Variants in FECH observed in about 807,000 individuals in gnomAD.
FECH encodes ferrochelatase.
In FECH, 40 loss-of-function variants were observed where a neutral mutation model predicts 56.9. The observed-to-expected ratio is 0.70, with a 90% CI of 0.55 to 0.92. FECH has a LOEUF of 0.92. Ranked by LOEUF, FECH falls within the 40% of genes least tolerant of loss-of-function variation. The pLI, the probability that FECH is intolerant of heterozygous loss-of-function variation, is 0.00. For synonymous variants in FECH, 175 were observed against 198.6 expected (o/e 0.88, Z 1.00); for missense variants, 431 against 529.1 (o/e 0.81, Z 1.82).
chr18:57,586,555 C>A lies in FECH; in HGVS notation c.66G>T (p.Pro22=), dbSNP rs1253145529. The A allele has an allele frequency of 6.6e-7, 1 of 1,521,834 alleles. No homozygotes were observed. The highest frequency in any genetic ancestry group is 8.8e-7 in the Non-Finnish European group (1 of 1,141,272). The allele number at this position is 1,521,834 out of a possible 1,614,324, so 94.3% of individuals were successfully genotyped here. ...LRAAGVLLRD[P]LASSSWRVCQ... Reference sequence around the variant, plus strand: ...GGCCGCCGCGACAGACCCACTTACGCGGATCGCGGAGCAGGACGCCCGCGG... The same window carrying A: ...GGCCGCCGCGACAGACCCACTTACGAGGATCGCGGAGCAGGACGCCCGCGG... Residue 22 remains proline, a splice_region_variant and synonymous_variant, in exon 1 of 11, where the codon CCG becomes CCT. Coordinates refer to ENST00000262093, the MANE Select transcript of FECH (RefSeq NM_000140.5).
chr18:57,558,132 A>C (rs1189261446), intron 7 of FECH, among the ~76,000 whole-genome samples: 1 of 152,200 alleles, frequency 6.6e-6, no homozygotes, highest in South Asian at 2.1e-4. Context: ...CATTCCCGAC[A>C]TTGTTAAAAC....
rs532556481 is a variant in FECH at position 57,581,022 on chromosome 18, C to T, written c.68-823G>A. ...GGGCATGAAGACCAGAGAGTCCATC[C>T]AGGCTGTCTGTGAGGCTCCCCACAA... On this transcript the variant is annotated intron_variant, in intron 1 of 10. Transcript: ENST00000262093. Among the ~76,000 whole-genome samples, 90 of 152,270 alleles carry T rather than the reference C, an allele frequency of 5.9e-4. 1 individual carries two copies. The highest frequency in any genetic ancestry group is 1.1e-3 in the Non-Finnish European group (76 of 68,022).
chr18:57,566,704 G>A lies in FECH; in HGVS notation c.464-123C>T, dbSNP rs112950663. On this transcript the variant is annotated intron_variant, in intron 4 of 10. Transcript: ENST00000262093. ...TCATGTAATTTCCTATGGCACTGAC[G>A]GTGAAGGCAAGTTTAGCATATTCCT... 3,431 of 1,197,914 alleles carry A rather than the reference G, an allele frequency of 2.9e-3. 89 individuals carry two copies. In the African/African-American group the frequency reaches 0.046, roughly 16 times the overall value. The allele number at this position is 1,197,914 out of a possible 1,614,324, so 74.2% of individuals were successfully genotyped here. A position where few individuals can be genotyped will look rare whatever the true frequency, so the allele number is the denominator to read the frequency against.
chr18:57,567,058 C>T (rs684696), intron 4 of FECH, among the ~76,000 whole-genome samples: 1,612 of 152,110 alleles, frequency 0.011, 16 homozygotes, highest in Non-Finnish European at 0.015. Flanking sequence ...TGCAGGTGGT[C>T]GAGCTGGAAT....
chr18:57,564,295 C>T (rs1036805433), intron 5 of FECH, among the ~76,000 whole-genome samples: 8 of 152,156 alleles, frequency 5.3e-5, no homozygotes, highest in Admixed American at 5.2e-4. Flanking sequence ...ATCTAATAAA[C>T]TTATATTTCT....
Position 57,545,184 on chromosome 18 carries a change from C to G in FECH, c.*5528G>C, listed in dbSNP as rs1220313376. Among the ~76,000 whole-genome samples the G allele has an allele frequency of 4.6e-5, 7 of 152,138 alleles. No homozygotes were observed. The highest frequency in any genetic ancestry group is 1.4e-4 in the African/African-American group (6 of 41,428). On this transcript the variant is annotated 3_prime_UTR_variant, in exon 11 of 11. Coordinates refer to ENST00000262093, the MANE Select transcript of FECH (RefSeq NM_000140.5). ...ACAAAACTGTCAGAGTGAAGGCTCACAAGAAATCAGAAACAGGACCCAGAT... is the reference window on the plus strand; with the variant it reads ...ACAAAACTGTCAGAGTGAAGGCTCAGAAGAAATCAGAAACAGGACCCAGAT...
intron 2 of FECH, among the ~76,000 whole-genome samples, chr18:57,579,039 G>A (rs1303483155): frequency 1.3e-5 from 2 of 151,908 alleles, no homozygotes; most frequent in Non-Finnish European, 2.9e-5. Flanking sequence ...CTTGAAGTCA[G>A]GAGTTTGAGA....
chr18:57,556,235 A>G (rs185892172), intron 7 of FECH, among the ~76,000 whole-genome samples: 201 of 152,348 alleles, frequency 1.3e-3, no homozygotes, highest in African/African-American at 4.6e-3. Context: ...TGAAGGAAAC[A>G]CAAAGTTGCC....
intron 4 of FECH, among the ~76,000 whole-genome samples, chr18:57,567,149 G>A (rs868231202): frequency 4.0e-5 from 6 of 151,674 alleles, no homozygotes; most frequent in East Asian, 1.9e-4. Context: ...CCAGTTCCCC[G>A]AACCCCCAGG....
intron 7 of FECH, among the ~76,000 whole-genome samples, chr18:57,556,091 T>C (rs1318624628): frequency 6.6e-6 from 1 of 152,172 alleles, no homozygotes; most frequent in Non-Finnish European, 1.5e-5. Flanking sequence ...ATTGCACCAG[T>C]GCACTCCAGC....
At chr18:57,576,258 C>A (rs1167756511) in intron 2 of FECH, among the ~76,000 whole-genome samples, 1 of 152,186 alleles carries the variant, frequency 6.6e-6, no homozygotes, top group Non-Finnish European at 1.5e-5. Context: ...AGGGCTTAAT[C>A]CCCTTCTAAA....
chr18:57,583,022 T>C (rs1256747597), intron 1 of FECH, among the ~76,000 whole-genome samples: 1 of 152,118 alleles, frequency 6.6e-6, no homozygotes, highest in Non-Finnish European at 1.5e-5. Flanking sequence ...TGCTTAACTA[T>C]TACCATGTCT....
intron 2 of FECH, among the ~76,000 whole-genome samples, chr18:57,579,313 G>GTGTATA (rs531089366): frequency 2.4e-4 from 34 of 143,842 alleles, no homozygotes; most frequent in African/African-American, 8.9e-4. Context: ...GTGTGTGTGT[G>GTGTATA]TATATATTCA....
Position 57,573,301 on chromosome 18 carries a change from C to G in FECH, c.259G>C (p.Asp87His), listed in dbSNP as rs575445232. The G allele has an allele frequency of 6.2e-7, 1 of 1,614,006 alleles. No individual in the cohort carries two copies. The highest frequency in any genetic ancestry group is 1.1e-5 in the South Asian group (1 of 91,072). The change falls in exon 3 of 11, where the codon GAC becomes CAC. Residue 87 changes from aspartate to histidine, a missense_variant. Coordinates refer to ENST00000262093, the MANE Select transcript of FECH (RefSeq NM_000140.5). Reference sequence around the variant, plus strand: ...TCCAAGAAGAGTCTCAGAAGGAAGTCGTGAACATCTCCAAGAGTTTCAGGG... The same window carrying G: ...TCCAAGAAGAGTCTCAGAAGGAAGTGGTGAACATCTCCAAGAGTTTCAGGG... ...GGPETLGDVH[D>H]FLLRLFLDRD... is the part of the protein sequence containing the mutation.
chr18:57,586,507 T>A, intron 1 of FECH, 47 bp downstream of exon 1: 2 of 1,515,784 alleles, frequency 1.3e-6, no homozygotes, highest in Non-Finnish European at 8.8e-7. Context: ...TGCCCACGCC[T>A]TCTCAGGGAT....
At chr18:57,568,092 T>A (rs1598998332) in intron 4 of FECH, among the ~76,000 whole-genome samples, 1 of 152,320 alleles carries the variant, frequency 6.6e-6, no homozygotes, top group African/African-American at 2.4e-5. Flanking sequence ...TCAAATCCCT[T>A]GAAGCAACTC....
At chr18:57,586,508 T>C (rs765484035) in intron 1 of FECH, 46 bp downstream of exon 1, 1 of 1,516,162 alleles carries the variant, frequency 6.6e-7, no homozygotes, top group South Asian at 1.2e-5. Context: ...GCCCACGCCT[T>C]CTCAGGGATC....
At chr18:57,555,736 C>G (rs1014347219) in intron 7 of FECH, among the ~76,000 whole-genome samples, 2 of 152,176 alleles carry the variant, frequency 1.3e-5, no homozygotes, top group Non-Finnish European at 2.9e-5. Context: ...TCTCTGCAAA[C>G]AAAGATTTTT....
intron 2 of FECH, among the ~76,000 whole-genome samples, chr18:57,577,391 A>T (rs1422549125): frequency 6.6e-6 from 1 of 152,208 alleles, no homozygotes; most frequent in Non-Finnish European, 1.5e-5. Context: ...AAGCCTGAAA[A>T]ATTTACTACC....
Sources: allele counts gnomAD v4.1 joint callset (sites outside exome capture counted in the v4.1 genomes callset), GRCh38; gene constraint gnomAD v4.1.1; transcripts MANE v1.5; gene names NCBI Gene and HGNC (gene_info 2026-07-23, HGNC 2026-07-21).